Variants in ECI2 observed in about 807,000 individuals in gnomAD.
ECI2 encodes the protein enoyl-CoA delta isomerase 2.
In ECI2, 27 loss-of-function variants were observed where a neutral mutation model predicts 38.4. The ratio of observed to expected loss-of-function variants is 0.70; its 90% CI spans 0.52 to 0.97. The LOEUF is 0.97. ECI2 is among the 50% of genes least tolerant of loss of function. The pLI is 0.00. For missense variants in ECI2, 470 were observed against 474.4 expected (o/e 0.99, Z 0.09); for synonymous variants, 168 against 172.0 (o/e 0.98, Z 0.18).
chr6:4,124,788 C>T (rs1381474551), intron 7 of ECI2, among the ~76,000 whole-genome samples: 2 of 152,198 alleles, frequency 1.3e-5, no homozygotes, highest in South Asian at 2.1e-4. Flanking sequence ...GGGCAAGGAA[C>T]TTCTCAGAGC....
At chr6:4,122,642 C>T (rs1772879029) in intron 7 of ECI2, among the ~76,000 whole-genome samples, 1 of 151,476 alleles carries the variant, frequency 6.6e-6, no homozygotes, top group African/African-American at 2.4e-5. Context: ...ACTACAGGCG[C>T]CTGCCACCAC....
rs955159092 is a variant in ECI2 at position 4,131,685 on chromosome 6, C to T, written c.214-820G>A. Among the ~76,000 whole-genome samples, 20 of 151,832 alleles carry T rather than the reference C, an allele frequency of 1.3e-4. 1 individual carries two copies. The highest frequency in any genetic ancestry group is 4.8e-4 in the African/African-American group (20 of 41,382). On this transcript the variant is annotated intron_variant, in intron 2 of 9. Transcript: ENST00000380118. Reference sequence around the variant, plus strand: ...CAGCCTGACCAATATGGTAAAACCCCATCTCTACTAAAAATACAAAAATTA... The same window carrying T: ...CAGCCTGACCAATATGGTAAAACCCTATCTCTACTAAAAATACAAAAATTA...
intron 4 of ECI2, chr6:4,130,090 C>T: frequency 6.2e-7 from 1 of 1,607,398 alleles, no homozygotes; most frequent in East Asian, 2.2e-5. Context: ...TGCAAATTCT[C>T]TCATAGCAAC....
In ECI2 at chr6:4,126,221, G is replaced by T. The variant is rs1329574973; in HGVS notation, c.588C>A (p.Tyr196Ter). Reference sequence around the variant, plus strand: ...AGTTAGTCAGATCATTCCCACTACTGTAATAGTCACCATTTCCTATAAGTA... The same window carrying T: ...AGTTAGTCAGATCATTCCCACTACTTTAATAGTCACCATTTCCTATAAGTA... Reference protein sequence around the residue: ...ITVLTGNGDYYSSGNDLTNFT... With the variant: ...ITVLTGNGDY The change falls in exon 6 of 10, where the codon TAC (tyrosine) becomes TAA (stop). Residue 196 changes from tyrosine to a stop codon, truncating the protein, a stop_gained. Transcript: ENST00000380118. LOFTEE classifies it high-confidence loss of function. The T allele has an allele frequency of 1.9e-6, 3 of 1,612,032 alleles. No individual in the cohort carries two copies. The highest frequency in any genetic ancestry group is 2.5e-6 in the Non-Finnish European group (3 of 1,179,430).
At chr6:4,135,335 A>G in intron 1 of ECI2, 176 bp downstream of exon 1, 2 of 1,463,468 alleles carry the variant, frequency 1.4e-6, no homozygotes, top group African/African-American at 2.8e-5. Context: ...GCGGTGCAGG[A>G]GGGCGCGCGT....
chr6:4,121,693 G>GTTT (rs3838251), intron 7 of ECI2, among the ~76,000 whole-genome samples: 3 of 139,246 alleles, frequency 2.2e-5, no homozygotes, highest in East Asian at 4.2e-4. Context: ...GTCATTTTTA[G>GTTT]TTTTTTTTTT....
chr6:4,133,734 CTATT>C, intron 1 of ECI2, 23 bp from the exon 2 acceptor site: 1 of 1,574,938 alleles, frequency 6.3e-7, no homozygotes. Flanking sequence ...AGACTGATTT[CTATT>C]TGTTCCCAAC....
chr6:4,129,207 G>A (rs114215647), intron 4 of ECI2, among the ~76,000 whole-genome samples: 111 of 149,392 alleles, frequency 7.4e-4, no homozygotes, highest in African/African-American at 2.6e-3. Context: ...CCACCTCCCC[G>A]GTTCAAAAGA....
intron 7 of ECI2, among the ~76,000 whole-genome samples, chr6:4,121,207 T>G: frequency 6.6e-6 from 1 of 152,216 alleles, no homozygotes; most frequent in Non-Finnish European, 1.5e-5. Flanking sequence ...CCATTAATGG[T>G]ATTAAGTCTC....
At chr6:4,116,186 A>G (rs1440957257) in intron 9 of ECI2, among the ~76,000 whole-genome samples, 157 bp from the exon 10 acceptor site, 1 of 151,928 alleles carries the variant, frequency 6.6e-6, no homozygotes, top group Non-Finnish European at 1.5e-5. Flanking sequence ...CCCCATCTCT[A>G]CTAAAAATAC....
Position 4,133,695 on chromosome 6 carries a change from T to C in ECI2, c.67A>G (p.Ser23Gly). 1 of 1,611,006 alleles carries C rather than the reference T, an allele frequency of 6.2e-7. No homozygotes were observed. Among genetic ancestry groups the C allele is most frequent in the East Asian group, 2.2e-5 (1 of 44,868 alleles). The change falls in exon 2 of 10, where the codon AGT (serine) becomes GGT (glycine). Residue 23 changes from serine (S) to glycine (G), a missense_variant. Ser to Gly is a moderately conservative substitution (Grantham distance 56). Transcript: ENST00000380118. ...RSCPSSLQVT[S>G]FPVVQLHMNR... Reference sequence around the variant, plus strand: ...ATGTGCAGCTGAACTACCGGGAAACTAGTGACCTGCAGAGAACTACAATTA... The same window carrying C: ...ATGTGCAGCTGAACTACCGGGAAACCAGTGACCTGCAGAGAACTACAATTA...
chr6:4,132,127 C>T (rs1375021972), intron 2 of ECI2, among the ~76,000 whole-genome samples: 9 of 152,102 alleles, frequency 5.9e-5, no homozygotes, highest in East Asian at 1.9e-4. Flanking sequence ...AGCTGTTAAA[C>T]GCACAATTAA....
rs1773446891 is a variant in ECI2 at position 4,130,472 on chromosome 6, C to T, written c.401G>A (p.Arg134Lys). The T allele has an allele frequency of 1.9e-6, 3 of 1,614,232 alleles. No homozygotes were observed. The highest frequency in any genetic ancestry group is 2.5e-6 in the Non-Finnish European group (3 of 1,180,048). The change falls in exon 4 of 10, where the codon AGG becomes AAG. Residue 134 changes from arginine (R) to lysine (K), a missense_variant. By Grantham distance (26) the Arg-to-Lys change is conservative. Coordinates refer to ENST00000380118, the MANE Select transcript of ECI2 (RefSeq NM_206836.3). The part of the protein sequence containing the change: ...SSSQVEPGTD[R>K]KSTGFETLVV... Reference sequence around the variant, plus strand: ...CAGAGTTTCAAACCCAGTTGATTTCCTGTCTGTTCCAGGCTCCACCTGACT... The same window carrying T: ...CAGAGTTTCAAACCCAGTTGATTTCTTGTCTGTTCCAGGCTCCACCTGACT...
chr6:4,124,468 A>C (rs1773011846), intron 7 of ECI2, among the ~76,000 whole-genome samples: 1 of 152,212 alleles, frequency 6.6e-6, no homozygotes, highest in Admixed American at 6.5e-5. Flanking sequence ...TCACATAAGC[A>C]TAAGTCACTG....
chr6:4,121,132 C>T (rs1772718346), intron 7 of ECI2, among the ~76,000 whole-genome samples: 1 of 152,152 alleles, frequency 6.6e-6, no homozygotes, highest in Admixed American at 6.5e-5. Flanking sequence ...AAGTCTTTTT[C>T]ATTTTAACCA....
intron 1 of ECI2, among the ~76,000 whole-genome samples, chr6:4,134,886 G>T (rs1581999369): frequency 6.6e-6 from 1 of 152,162 alleles, no homozygotes; most frequent in Non-Finnish European, 1.5e-5. Context: ...GACCATTTAA[G>T]AAAATACATA....
At chr6:4,130,165 A>G in intron 4 of ECI2, 1 of 1,613,910 alleles carries the variant, frequency 6.2e-7, no homozygotes, top group Non-Finnish European at 8.5e-7. Context: ...CCTTCTGGGT[A>G]TATCAGAACC....
chr6:4,128,821 T>TA (rs1373873244), intron 4 of ECI2, among the ~76,000 whole-genome samples: 1 of 152,210 alleles, frequency 6.6e-6, no homozygotes, highest in Non-Finnish European at 1.5e-5. Context: ...TATGCCTTTT[T>TA]ATGGGGGACT....
intron 5 of ECI2, 104 bp downstream of exon 5, chr6:4,127,658 C>T: frequency 1.7e-6 from 2 of 1,158,230 alleles, no homozygotes; most frequent in Non-Finnish European, 1.2e-6. Flanking sequence ...CGGGAGCCAC[C>T]TGCCTCGGCC....
Sources: gnomAD v4.1 joint callset for allele counts (sites outside exome capture counted in the v4.1 genomes callset) on GRCh38, gnomAD v4.1.1 for gene constraint, MANE v1.5 for transcripts, NCBI Gene and HGNC (gene_info 2026-07-23, HGNC 2026-07-21) for gene names.